Variants in DUSP6 observed in about 807,000 individuals in gnomAD.
DUSP6 encodes dual specificity phosphatase 6.
In DUSP6, 6 loss-of-function variants were observed where a neutral mutation model predicts 28.0. That is an observed-to-expected ratio of 0.21 (90% CI 0.12 to 0.42). The LOEUF is 0.42. Among genes scored for constraint, DUSP6 ranks in the 10% least tolerant of loss-of-function variants. The pLI is 1.00. For synonymous variants in DUSP6, 252 were observed against 217.5 expected, an observed-to-expected ratio of 1.16 and a Z score of -1.40; for missense variants, 451 against 498.1, an observed-to-expected ratio of 0.91 and a Z score of 0.90.
Position 89,352,485 on chromosome 12 carries a change from G to C in DUSP6, c.-446C>G. ...CAGCCTCGCACACCCCCTGCGCGAG[G>C]CAGCTCCTCAATGGATACAAACAGC... On this transcript the variant is annotated 5_prime_UTR_variant, in exon 1 of 3. Transcript: ENST00000279488. 5.8e-6 allele frequency: 1 copy of C among 171,844 alleles called. No individual in the cohort carries two copies. The highest frequency in any genetic ancestry group is 1.3e-5 in the Non-Finnish European group (1 of 78,308). The allele number at this position is 171,844 out of a possible 1,614,324, so 10.6% of individuals were successfully genotyped here.
At chr12:89,350,567 A>G in intron 2 of DUSP6, 21 bp downstream of exon 2, 1 of 1,598,874 alleles carries the variant, frequency 6.3e-7, no homozygotes, top group Non-Finnish European at 8.6e-7. Context: ...TGTCAGAGCG[A>G]CGACTATTAA....
rs1037885488 is a variant in DUSP6 at position 89,348,520 on chromosome 12, C to G, written c.*734G>C. On this transcript the variant is annotated 3_prime_UTR_variant, in exon 3 of 3. Transcript: ENST00000279488. Reference sequence around the variant, plus strand: ...AAAAAGACTAAAGACTTCGCCATAACAAGGTCTTAGTGATAATAGTGTCCG... The same window carrying G: ...AAAAAGACTAAAGACTTCGCCATAAGAAGGTCTTAGTGATAATAGTGTCCG... The G allele has an allele frequency of 1.3e-5, 2 of 152,472 alleles. No homozygotes were observed. The highest frequency in any genetic ancestry group is 4.8e-5 in the African/African-American group (2 of 41,568). 9.4% of individuals were successfully genotyped at this position (152,472 alleles called of 1,614,324 possible). A position where few individuals can be genotyped will look rare whatever the true frequency, so the allele number is the denominator to read the frequency against.
At position 89,349,335 on chromosome 12, in the gene DUSP6, G is replaced by A. The variant is rs773931541; in HGVS notation, c.1065C>T (p.Asn355=). The change falls in exon 3 of 3, where the codon AAC becomes AAT. Residue 355 remains asparagine, a synonymous_variant. Coordinates refer to ENST00000279488, the MANE Select transcript of DUSP6 (RefSeq NM_001946.4). The stretch of plus-strand genomic sequence containing the variant: ...AATACAGCTGCTGTGCTGGAACCCT[G>A]TTGTCACATGGGCTGCTGAGTCCCA... The part of the protein sequence containing the change: ...RTLGLSSPCD[N]RVPAQQLYFT... 1 of 1,614,214 alleles carries A rather than the reference G, an allele frequency of 6.2e-7. No homozygotes were observed. Among genetic ancestry groups the A allele is most frequent in the Non-Finnish European group, 8.5e-7 (1 of 1,180,038 alleles).
chr12:89,348,904 A>G lies in DUSP6; in HGVS notation c.*350T>C, dbSNP rs1879080011. ...TAGTCAGTTCCAGATGCAAAAGGAA[A>G]CAGCCTTACAAGGCCCTAAAGAACA... On this transcript the variant is annotated 3_prime_UTR_variant, in exon 3 of 3. Coordinates refer to ENST00000279488, the MANE Select transcript of DUSP6 (RefSeq NM_001946.4). 5.1e-6 allele frequency: 1 copy of G among 195,224 alleles called. No individual in the cohort carries two copies. Among genetic ancestry groups the G allele is most frequent in the South Asian group, 1.5e-4 (1 of 6,716 alleles). The allele number at this position is 195,224 out of a possible 1,614,324, so 12.1% of individuals were successfully genotyped here.
chr12:89,350,975 G>T lies in DUSP6; in HGVS notation c.451C>A (p.Leu151Ile). 1 of 1,611,868 alleles carries T rather than the reference G, an allele frequency of 6.2e-7. No individual in the cohort carries two copies. The highest frequency in any genetic ancestry group is 8.5e-7 in the Non-Finnish European group (1 of 1,179,372). ...GAGCTGCTGCTACACGAGCCGTCTA[G>T]ATTGGTCTCGCAATGCAGGGAGAAC... is the stretch of plus-strand genomic sequence containing the variant. ...AEFSLHCETN[L>I]DGSCSSSSPP... Residue 151 changes from leucine (L) to isoleucine (I), a missense_variant, in exon 2 of 3, where the codon CTA becomes ATA. Leu to Ile is a conservative substitution (Grantham distance 5, BLOSUM62 2). Coordinates refer to ENST00000279488, the MANE Select transcript of DUSP6 (RefSeq NM_001946.4).
At position 89,352,323 on chromosome 12, in the gene DUSP6, T is replaced by G; in HGVS notation, c.-284A>C. ...CCCCAGTGAATGAAATCCAATTAAT[T>G]CGGACTCCGTGCTACTGAGAGGGGA... On this transcript the variant is annotated 5_prime_UTR_variant, in exon 1 of 3. Transcript: ENST00000279488. 2.1e-6 allele frequency: 1 copy of G among 472,584 alleles called. No individual in the cohort carries two copies. Among genetic ancestry groups the G allele is most frequent in the Non-Finnish European group, 3.8e-6 (1 of 261,854 alleles). The allele number at this position is 472,584 out of a possible 1,614,324, so 29.3% of individuals were successfully genotyped here.
chr12:89,349,292 G>A lies in DUSP6; in HGVS notation c.1108C>T (p.Gln370Ter). Residue 370 changes from glutamine (Q) to a stop codon, truncating the protein, a stop_gained, in exon 3 of 3, where the codon CAG (glutamine) becomes TAG (stop). Coordinates refer to ENST00000279488, the MANE Select transcript of DUSP6 (RefSeq NM_001946.4). LOFTEE classifies it high-confidence loss of function. ...AGAGAGTCCACCTGGTATACATTCT[G>A]GTTGGAAGGGGTGGTAAAATACAGC... ...QQLYFTTPSN[Q>*]NVYQVDSLQS... 2 of 1,614,052 alleles carry A rather than the reference G, an allele frequency of 1.2e-6. No individual in the cohort carries two copies. The highest frequency in any genetic ancestry group is 1.1e-5 in the South Asian group (1 of 91,082).
At chr12:89,350,526 T>C in intron 2 of DUSP6, 62 bp downstream of exon 2, 1 of 1,504,478 alleles carries the variant, frequency 6.6e-7, no homozygotes, top group South Asian at 1.2e-5. Context: ...CAGCTTAAAC[T>C]CTATGAATGG....
At chr12:89,350,436 A>G (rs1432789413) in intron 2 of DUSP6, 152 bp downstream of exon 2, 1 of 759,826 alleles carries the variant, frequency 1.3e-6, no homozygotes, top group Non-Finnish European at 2.1e-6. Context: ...TTTAGCAAGA[A>G]GATAAACCAG....
rs1308228787 is a variant in DUSP6 at position 89,351,488 on chromosome 12, G to C, written c.400+152C>G. ...CTCTGGTGCGGAACGCGCGGTTCGC[G>C]GCCCCTACCTCGCCGGCTGCCGGTC... On this transcript the variant is annotated intron_variant, in intron 1 of 2. Coordinates refer to ENST00000279488, the MANE Select transcript of DUSP6 (RefSeq NM_001946.4). The C allele has an allele frequency of 4.6e-6, 6 of 1,295,150 alleles. No homozygotes were observed. The East Asian group carries it at 1.3e-4, about 28-fold the overall frequency. 80.2% of individuals were successfully genotyped at this position (1,295,150 alleles called of 1,614,324 possible).
chr12:89,349,806 A>G (rs1879119623), intron 2 of DUSP6, among the ~76,000 whole-genome samples: 1 of 152,228 alleles, frequency 6.6e-6, no homozygotes, highest in Non-Finnish European at 1.5e-5. Flanking sequence ...AAACTCCTTA[A>G]TGGGTGCATT....
At chr12:89,351,171 T>C in intron 1 of DUSP6, 146 bp from the exon 2 acceptor site, 3 of 897,092 alleles carry the variant, frequency 3.3e-6, no homozygotes, top group South Asian at 1.8e-5. Context: ...AAACACACTT[T>C]AAATGTGCAC....
rs1486992228 is a variant in DUSP6 at position 89,349,067 on chromosome 12, A to C, written c.*187T>G. On this transcript the variant is annotated 3_prime_UTR_variant, in exon 3 of 3. Transcript: ENST00000279488. ...TCTATACAGCATGTCCTGTTATTCC[A>C]AAGAGAATGGAGCAAATCTCTCTGT... The C allele has an allele frequency of 3.1e-6, 2 of 634,924 alleles. No individual in the cohort carries two copies. The highest frequency in any genetic ancestry group is 3.7e-5 in the African/African-American group (2 of 54,490). 39.3% of individuals were successfully genotyped at this position (634,924 alleles called of 1,614,324 possible). A position where few individuals can be genotyped will look rare whatever the true frequency, so the allele number is the denominator to read the frequency against.
At chr12:89,351,480 C>T (rs1879185635) in intron 1 of DUSP6, 160 bp downstream of exon 1, 3 of 1,221,212 alleles carry the variant, frequency 2.5e-6, no homozygotes, top group Middle Eastern at 2.9e-4. Context: ...GCGGAACGCG[C>T]GGTTCGCGGC....
rs1235889506 is a variant in DUSP6 at position 89,349,450 on chromosome 12, T to G, written c.950A>C (p.Asn317Thr). The G allele has an allele frequency of 6.2e-7, 1 of 1,614,174 alleles. No individual in the cohort carries two copies. The highest frequency in any genetic ancestry group is 8.5e-7 in the Non-Finnish European group (1 of 1,180,000). Reference protein sequence around the residue: ...YLMQKLNLSMNDAYDIVKMKK... With the variant: ...YLMQKLNLSMTDAYDIVKMKK... Reference sequence around the variant, plus strand: ...CATTTTGACAATGTCATAGGCATCGTTCATCGACAGATTGAGCTTCTGCAT... The same window carrying G: ...CATTTTGACAATGTCATAGGCATCGGTCATCGACAGATTGAGCTTCTGCAT... The change falls in exon 3 of 3, where the codon AAC (asparagine) becomes ACC (threonine). Residue 317 changes from asparagine to threonine, a missense_variant. Coordinates refer to ENST00000279488, the MANE Select transcript of DUSP6 (RefSeq NM_001946.4).
Position 89,348,925 on chromosome 12 carries a change from G to A in DUSP6, c.*329C>T, listed in dbSNP as rs531240649. Reference sequence around the variant, plus strand: ...GGAAACAGCCTTACAAGGCCCTAAAGAACACATGCTCCTACCCTATCATTT... The same window carrying A: ...GGAAACAGCCTTACAAGGCCCTAAAAAACACATGCTCCTACCCTATCATTT... On this transcript the variant is annotated 3_prime_UTR_variant, in exon 3 of 3. Transcript: ENST00000279488. The A allele has an allele frequency of 2.6e-4, 59 of 228,776 alleles. 1 individual carries two copies. The South Asian group carries it at 6.9e-3, about 27-fold the overall frequency. 14.2% of individuals were successfully genotyped at this position (228,776 alleles called of 1,614,324 possible).
In DUSP6 at chr12:89,349,101, A is replaced by T. The variant is rs919265992; in HGVS notation, c.*153T>A. ...GGAGCAAATCTCTCTGTTAGTATTAACCAATTCCGCACTTGGTAACCTTGT... is the reference window on the plus strand; with the variant it reads ...GGAGCAAATCTCTCTGTTAGTATTATCCAATTCCGCACTTGGTAACCTTGT... On this transcript the variant is annotated 3_prime_UTR_variant, in exon 3 of 3. Transcript: ENST00000279488. The T allele has an allele frequency of 1.3e-6, 1 of 766,172 alleles. No homozygotes were observed. The highest frequency in any genetic ancestry group is 1.7e-5 in the African/African-American group (1 of 57,336). 47.5% of individuals were successfully genotyped at this position (766,172 alleles called of 1,614,324 possible).
rs777761560 is a variant in DUSP6 at position 89,349,545 on chromosome 12, C to G, written c.855G>C (p.Lys285Asn). 1 of 1,608,800 alleles carries G rather than the reference C, an allele frequency of 6.2e-7. No individual in the cohort carries two copies. Reference sequence around the variant, plus strand: ...AGCAATGTACCAAGACACCACAGTTCTTGCCCCGGGCTTCATCTGTGAACA... The same window carrying G: ...AGCAATGTACCAAGACACCACAGTTGTTGCCCCGGGCTTCATCTGTGAACA... ...AISFIDEARG[K>N]NCGVLVHCLA... Residue 285 changes from lysine to asparagine, a missense_variant, in exon 3 of 3, where the codon AAG (lysine) becomes AAC (asparagine). By Grantham distance (94) the Lys-to-Asn change is moderately conservative (BLOSUM62 0). This residue lies in a region of DUSP6 where 104 missense variants were observed against 151.4 expected (regional missense o/e 0.69). Coordinates refer to ENST00000279488, the MANE Select transcript of DUSP6 (RefSeq NM_001946.4).
At position 89,347,900 on chromosome 12, in the gene DUSP6, A is replaced by C. The variant is rs1291597153; in HGVS notation, c.*1354T>G. The C allele has an allele frequency of 1.3e-5, 2 of 152,206 alleles. No individual in the cohort carries two copies. The highest frequency in any genetic ancestry group is 4.8e-5 in the African/African-American group (2 of 41,448). The allele number at this position is 152,206 out of a possible 1,614,324, so 9.4% of individuals were successfully genotyped here. ...CTAGGATGTCATCTTTATTCGTGGCAAACGATGAATTTCATAAACTGCTGC... is the reference window on the plus strand; with the variant it reads ...CTAGGATGTCATCTTTATTCGTGGCCAACGATGAATTTCATAAACTGCTGC... On this transcript the variant is annotated 3_prime_UTR_variant, in exon 3 of 3. Coordinates refer to ENST00000279488, the MANE Select transcript of DUSP6 (RefSeq NM_001946.4).
Sources: allele counts gnomAD v4.1 joint callset (sites outside exome capture counted in the v4.1 genomes callset), GRCh38; gene constraint gnomAD v4.1.1; regional missense constraint gnomAD v4.1.1; transcripts MANE v1.5; gene names NCBI Gene and HGNC (gene_info 2026-07-23, HGNC 2026-07-21).